The following FCRL3 variants were observed in gnomAD, a reference collection of about 807,000 sequenced individuals.
The protein encoded by FCRL3 is Fc receptor like 3, also known as Fc receptor-like protein 3.
A neutral mutation model predicts 75.0 loss-of-function variants in FCRL3; 89 were observed. The ratio of observed to expected loss-of-function variants is 1.19; its 90% CI spans 1.00 to 1.42. FCRL3 has a LOEUF of 1.42. Among genes scored for constraint, FCRL3 ranks in the 40% most tolerant of loss-of-function variants. FCRL3 has a pLI of 0.00. For missense variants in FCRL3, 946 were observed against 880.0 expected (o/e 1.07, Z -0.95); for synonymous variants, 376 against 348.5 (o/e 1.08, Z -0.88).
At chr1:157,690,632 G>T in intron 8 of FCRL3, 99 bp from the exon 9 acceptor site, 2 of 1,439,498 alleles carry the variant, frequency 1.4e-6, no homozygotes, top group South Asian at 1.4e-5. Context: ...GCGGGAACAT[G>T]CACCTGGATT....
Position 157,677,437 on chromosome 1 carries a change from A to T in FCRL3, c.*1273T>A, listed in dbSNP as rs1159197726. On this transcript the variant is annotated 3_prime_UTR_variant, in exon 15 of 15. Coordinates refer to ENST00000368184, the MANE Select transcript of FCRL3 (RefSeq NM_052939.4). Reference sequence around the variant, plus strand: ...CTAGAATTGGCAACATTCAGAGATTAATGTTAATATAATCTCAGTTGTCCC... The same window carrying T: ...CTAGAATTGGCAACATTCAGAGATTTATGTTAATATAATCTCAGTTGTCCC... 1 of 985,388 alleles carries T rather than the reference A, an allele frequency of 1.0e-6. No homozygotes were observed. The highest frequency in any genetic ancestry group is 1.2e-6 in the Non-Finnish European group (1 of 829,986). 61.0% of individuals were successfully genotyped at this position (985,388 alleles called of 1,614,324 possible).
intron 11 of FCRL3, among the ~76,000 whole-genome samples, chr1:157,682,938 A>G (rs867755266): frequency 3.3e-5 from 5 of 152,252 alleles, no homozygotes; most frequent in African/African-American, 1.2e-4. Flanking sequence ...AGGTAATGCC[A>G]TTAAGACATT....
In FCRL3 at chr1:157,697,178, A is replaced by T. The variant is rs1349734571; in HGVS notation, c.806T>A (p.Ile269Asn). The T allele has an allele frequency of 6.6e-7, 1 of 1,516,442 alleles. No homozygotes were observed. Among genetic ancestry groups the T allele is most frequent in the African/African-American group, 1.4e-5 (1 of 71,362 alleles). 93.9% of individuals were successfully genotyped at this position (1,516,442 alleles called of 1,614,324 possible). The change falls in exon 6 of 15, where the codon ATC (isoleucine) becomes AAC (asparagine). Residue 269 changes from isoleucine to asparagine, a missense_variant. Physicochemically the swap from Ile to Asn is moderately radical, Grantham distance 149. Transcript: ENST00000368184. The stretch of plus-strand genomic sequence containing the variant: ...CTGAGATCTCAGGCTCCTTTTTTTG[A>T]TGCTGTGAGTCACTGTCTCCACCTC... ...WCEVETVTHS[I>N]KKRSLRSQIR...
chr1:157,685,400 T>C (rs1655115736), intron 10 of FCRL3, among the ~76,000 whole-genome samples: 1 of 152,110 alleles, frequency 6.6e-6, no homozygotes, highest in Admixed American at 6.6e-5. Flanking sequence ...TAAATATATA[T>C]GCACCCAACA....
chr1:157,692,372 GGGATTACC>G (rs1197296186), intron 8 of FCRL3, among the ~76,000 whole-genome samples: 1 of 152,036 alleles, frequency 6.6e-6, no homozygotes, highest in East Asian at 1.9e-4. Context: ...CAGAGTAGCT[GGGATTACC>G]GGATCATGCC....
Position 157,678,707 on chromosome 1 carries a change from G to A in FCRL3, c.*3C>T, listed in dbSNP as rs1040037205. 6.2e-7 allele frequency: 1 copy of A among 1,612,916 alleles called. No homozygotes were observed. The highest frequency in any genetic ancestry group is 8.5e-7 in the Non-Finnish European group (1 of 1,179,938). On this transcript the variant is annotated 3_prime_UTR_variant, in exon 15 of 15. Transcript: ENST00000368184. ...TTTCCTGTGGGCCACTCTGGGTAAGGGGCTAGTGGTCTGAGGCCAGTAATA... is the reference window on the plus strand; with the variant it reads ...TTTCCTGTGGGCCACTCTGGGTAAGAGGCTAGTGGTCTGAGGCCAGTAATA...
At chr1:157,685,646 AT>A (rs1655131125) in intron 10 of FCRL3, among the ~76,000 whole-genome samples, 1 of 152,196 alleles carries the variant, frequency 6.6e-6, no homozygotes, top group Non-Finnish European at 1.5e-5. Flanking sequence ...ACTATGGAAT[AT>A]ACATTCTTCT....
chr1:157,697,106 C>T, intron 6 of FCRL3, 34 bp downstream of exon 6: 1 of 1,402,966 alleles, frequency 7.1e-7, no homozygotes, highest in East Asian at 2.5e-5. Flanking sequence ...CTCCCCAGCT[C>T]TGACTCTGGA....
chr1:157,699,567 C>T (rs922881488), intron 3 of FCRL3, 125 bp downstream of exon 3: 3 of 942,082 alleles, frequency 3.2e-6, no homozygotes, highest in Non-Finnish European at 3.2e-6. Context: ...AATATAGTAG[C>T]AGATGTGACC....
chr1:157,695,220 G>T, intron 8 of FCRL3, 109 bp downstream of exon 8: 1 of 1,131,956 alleles, frequency 8.8e-7, no homozygotes, highest in Non-Finnish European at 1.3e-6. Context: ...GTCAGAAAGA[G>T]TGGGAAGTCT....
At chr1:157,699,287 A>G (rs1195867412) in intron 3 of FCRL3, among the ~76,000 whole-genome samples, 2 of 152,086 alleles carry the variant, frequency 1.3e-5, no homozygotes, top group Non-Finnish European at 2.9e-5. Context: ...CTCTTTTTGG[A>G]GATTTATAAG....
chr1:157,678,061 T>C lies in FCRL3; in HGVS notation c.*649A>G. The C allele has an allele frequency of 6.1e-6, 6 of 985,616 alleles. No homozygotes were observed. Among genetic ancestry groups the C allele is most frequent in the Non-Finnish European group, 6.0e-6 (5 of 830,114 alleles). 61.1% of individuals were successfully genotyped at this position (985,616 alleles called of 1,614,324 possible). On this transcript the variant is annotated 3_prime_UTR_variant, in exon 15 of 15. Transcript: ENST00000368184. ...TTAATGTGATTCTTCACACATAAGG[T>C]CTTTGCAGTGGGGATACAAGTCACA...
intron 2 of FCRL3, among the ~76,000 whole-genome samples, chr1:157,699,996 G>A (rs891659527): frequency 2.0e-4 from 30 of 152,120 alleles, no homozygotes; most frequent in African/African-American, 6.3e-4. Context: ...TACAGAAATG[G>A]TTTATCCTCC....
chr1:157,686,850 A>G (rs1331631336), intron 10 of FCRL3, among the ~76,000 whole-genome samples: 1 of 152,188 alleles, frequency 6.6e-6, no homozygotes, highest in East Asian at 1.9e-4. Flanking sequence ...AGGAAAACCT[A>G]GGAAATACAA....
At chr1:157,696,370 G>A (rs371001813) in intron 6 of FCRL3, 43 bp from the exon 7 acceptor site, 430 of 1,604,580 alleles carry the variant, frequency 2.7e-4, no homozygotes, top group Middle Eastern at 2.4e-3. Flanking sequence ...TGATGGCAGG[G>A]ACATCAAGGT....
intron 13 of FCRL3, among the ~76,000 whole-genome samples, chr1:157,680,321 A>C (rs945270028): frequency 5.3e-5 from 8 of 152,222 alleles, no homozygotes; most frequent in African/African-American, 1.9e-4. Context: ...CATGCTGGAA[A>C]TAGATTTTGG....
intron 11 of FCRL3, among the ~76,000 whole-genome samples, 158 bp from the exon 12 acceptor site, chr1:157,681,257 T>G (rs1443609271): frequency 2.0e-5 from 3 of 151,766 alleles, no homozygotes; most frequent in African/African-American, 7.3e-5. Flanking sequence ...TTATTATTAT[T>G]ATACTTTAAG....
Position 157,678,720 on chromosome 1 carries a change from G to A in FCRL3, c.2195C>T (p.Ser732Leu), listed in dbSNP as rs1557818692. 6.2e-7 allele frequency: 1 copy of A among 1,613,486 alleles called. No individual in the cohort carries two copies. Among genetic ancestry groups the A allele is most frequent in the Non-Finnish European group, 8.5e-7 (1 of 1,179,964 alleles). ...ACTCTGGGTAAGGGGCTAGTGGTCT[G>A]AGGCCAGTAATACACGTGGTACATT... ...YENVPRVLLA[S>L]DH The change falls in exon 15 of 15, where the codon TCA (serine) becomes TTA (leucine). Residue 732 changes from serine (S) to leucine (L), a missense_variant. Physicochemically the swap from Ser to Leu is moderately radical, Grantham distance 145 (BLOSUM62 -2). Coordinates refer to ENST00000368184, the MANE Select transcript of FCRL3 (RefSeq NM_052939.4).
rs879873956 is a variant in FCRL3, at chr1:157,677,047, G to T, written c.*1663C>A. 1.3e-5 allele frequency: 16 copies of T among 1,206,334 alleles called. No homozygotes were observed. Among genetic ancestry groups the T allele is most frequent in the Non-Finnish European group, 1.7e-5 (16 of 957,062 alleles). 74.7% of individuals were successfully genotyped at this position (1,206,334 alleles called of 1,614,324 possible). A position where few individuals can be genotyped will look rare whatever the true frequency, so the allele number is the denominator to read the frequency against. On this transcript the variant is annotated 3_prime_UTR_variant, in exon 15 of 15. Transcript: ENST00000368184. ...TTAATGCCAATATGAACATGAACTG[G>T]CAGAGATCAGCATCTCAGTACGGGC...
Sources: gnomAD v4.1 joint callset for allele counts (sites outside exome capture counted in the v4.1 genomes callset) on GRCh38, gnomAD v4.1.1 for gene constraint, MANE v1.5 for transcripts, NCBI Gene and HGNC (gene_info 2026-07-23, HGNC 2026-07-21) for gene names.